ZNRF1: variants seen among roughly 807,000 people sequenced by gnomAD.
ZNRF1 encodes the protein zinc and ring finger 1.
ZNRF1 carries 3 observed loss-of-function variants against 18.4 expected under a neutral mutation model. That is an observed-to-expected ratio of 0.16 (90% CI 0.07 to 0.42). ZNRF1 has a LOEUF of 0.42. Among genes scored for constraint, ZNRF1 ranks in the 10% least tolerant of loss-of-function variants. ZNRF1 has a pLI of 0.99. For synonymous variants in ZNRF1, 157 were observed against 144.2 expected, an observed-to-expected ratio of 1.09 and a Z score of -0.64; for missense variants, 310 against 329.8, an observed-to-expected ratio of 0.94 and a Z score of 0.47.
chr16:75,082,312 C>G (rs1418588677), intron 1 of ZNRF1, among the ~76,000 whole-genome samples: 1 of 152,116 alleles, frequency 6.6e-6, no homozygotes, highest in Non-Finnish European at 1.5e-5. Flanking sequence ...TCTAGAGGGT[C>G]AAAGGGAAGA....
intron 1 of ZNRF1, among the ~76,000 whole-genome samples, chr16:75,023,739 C>G (rs997303523): frequency 6.6e-6 from 1 of 151,964 alleles, no homozygotes; most frequent in African/African-American, 2.4e-5. Flanking sequence ...TGGGCCCCAA[C>G]AAGCTATGTA....
intron 1 of ZNRF1, among the ~76,000 whole-genome samples, chr16:75,091,284 G>A (rs972924752): frequency 2.0e-5 from 3 of 151,668 alleles, no homozygotes; most frequent in South Asian, 2.1e-4. Context: ...TCTTGAACCC[G>A]GGAGGCAGAG....
intron 1 of ZNRF1, among the ~76,000 whole-genome samples, chr16:75,017,765 GA>G (rs2035090885): frequency 6.6e-6 from 1 of 152,226 alleles, no homozygotes; most frequent in African/African-American, 2.4e-5. Context: ...GGGCTTCTTA[GA>G]CAGTTGTAGG....
At chr16:75,060,473 C>CTTTTTTTTTTTTTTTTTT (rs34182819) in intron 1 of ZNRF1, among the ~76,000 whole-genome samples, 2 of 70,246 alleles carry the variant, frequency 2.8e-5, no homozygotes. Flanking sequence ...CTCAGAAAAT[C>CTTTTTTTTTTTTTTTTTT]TTTTTTTTTT....
chr16:75,091,488 C>G (rs1014661609), intron 1 of ZNRF1, among the ~76,000 whole-genome samples: 1 of 151,436 alleles, frequency 6.6e-6, no homozygotes, highest in African/African-American at 2.4e-5. Flanking sequence ...TCTTGAACTA[C>G]GTGGGAGACT....
chr16:75,080,870 T>C (rs1274872835), intron 1 of ZNRF1, among the ~76,000 whole-genome samples: 10 of 151,846 alleles, frequency 6.6e-5, no homozygotes, highest in African/African-American at 1.7e-4. Context: ...AGAGACCCTG[T>C]CTCTTAAAAA....
At position 74,999,351 on chromosome 16, in the gene ZNRF1, G is replaced by A. The variant is rs190476975; in HGVS notation, c.-321G>A. The stretch of plus-strand genomic sequence containing the variant: ...GCCGCCTCCCTCCCTCCTTCCCTGC[G>A]GCTCCCCCGGCTTTCGGAGCCCGGG... On this transcript the variant is annotated 5_prime_UTR_variant, in exon 1 of 5. Coordinates refer to ENST00000335325, the MANE Select transcript of ZNRF1 (RefSeq NM_032268.5). 917 of 181,932 alleles carry A rather than the reference G, an allele frequency of 5.0e-3. 10 individuals carry two copies. Among genetic ancestry groups the A allele is most frequent in the African/African-American group, 0.02 (850 of 42,376 alleles). The allele number at this position is 181,932 out of a possible 1,614,324, so 11.3% of individuals were successfully genotyped here.
At chr16:75,003,074 C>G (rs1040502503) in intron 1 of ZNRF1, among the ~76,000 whole-genome samples, 2 of 152,230 alleles carry the variant, frequency 1.3e-5, no homozygotes, top group African/African-American at 4.8e-5. Flanking sequence ...CTGCCTCAGC[C>G]TCCCGAGTAG....
At chr16:75,035,780 A>T (rs1157092922) in intron 1 of ZNRF1, among the ~76,000 whole-genome samples, 1 of 152,172 alleles carries the variant, frequency 6.6e-6, no homozygotes, top group Non-Finnish European at 1.5e-5. Flanking sequence ...GAGGGGCCCC[A>T]TGCACAGTGT....
rs940818979 is a variant in ZNRF1 at position 75,018,399 on chromosome 16, C to T, written c.424+18304C>T. ...ACTGTTTTGTTTCCTCTTTTGTAAT[C>T]CTCTTTTGTGTTACTTTTCTTTCTT... On this transcript the variant is annotated intron_variant, in intron 1 of 4. Coordinates refer to ENST00000335325, the MANE Select transcript of ZNRF1 (RefSeq NM_032268.5). 6.1e-4 allele frequency among the ~76,000 whole-genome samples: 93 copies of T among 152,036 alleles called. 1 individual carries two copies. Among genetic ancestry groups the T allele is most frequent in the African/African-American group, 2.1e-3 (88 of 41,404 alleles).
At chr16:75,077,530 C>CA (rs1267016290) in intron 1 of ZNRF1, among the ~76,000 whole-genome samples, 1 of 151,916 alleles carries the variant, frequency 6.6e-6, no homozygotes, top group Non-Finnish European at 1.5e-5. Flanking sequence ...GATTCCGTCT[C>CA]AAAAAAACAA....
intron 1 of ZNRF1, among the ~76,000 whole-genome samples, chr16:75,072,960 A>T (rs1039863100): frequency 1.3e-5 from 2 of 152,124 alleles, no homozygotes; most frequent in African/African-American, 4.8e-5. Flanking sequence ...ATCACACTCA[A>T]CCGGTTATCT....
intron 1 of ZNRF1, among the ~76,000 whole-genome samples, chr16:75,016,753 C>T (rs1187055638): frequency 2.1e-4 from 27 of 128,518 alleles, no homozygotes; most frequent in South Asian, 5.1e-4. Context: ...CCATGTTGGT[C>T]AGGCTGGTCT....
At chr16:75,085,997 A>C (rs1429347532) in intron 1 of ZNRF1, among the ~76,000 whole-genome samples, 1 of 152,044 alleles carries the variant, frequency 6.6e-6, no homozygotes, top group Non-Finnish European at 1.5e-5. Flanking sequence ...TTATGGTGTA[A>C]GTCCTAGTTC....
At chr16:75,035,822 G>T (rs2035369835) in intron 1 of ZNRF1, among the ~76,000 whole-genome samples, 1 of 152,162 alleles carries the variant, frequency 6.6e-6, no homozygotes, top group South Asian at 2.1e-4. Flanking sequence ...GCCCACTTGA[G>T]GCATTCCTTT....
intron 1 of ZNRF1, among the ~76,000 whole-genome samples, chr16:75,055,518 T>C (rs2035657145): frequency 6.6e-6 from 1 of 152,208 alleles, no homozygotes; most frequent in African/African-American, 2.4e-5. Flanking sequence ...TCCTCAAACA[T>C]TGGAGTCTTG....
rs59468839 is a variant in ZNRF1, at chr16:75,030,833, C to CTTTTTTTTT, written c.424+30752_424+30760dup. On this transcript the variant is annotated intron_variant, in intron 1 of 4. Coordinates refer to ENST00000335325, the MANE Select transcript of ZNRF1 (RefSeq NM_032268.5). ...CATTGTAGCATGCAGCACTTTATTC[C>CTTTTTTTTT]TTTTTTTTTTTTTTTTTTTTTTGTT... Among the ~76,000 whole-genome samples the CTTTTTTTTT allele has an allele frequency of 3.7e-4, 34 of 91,414 alleles. 4 individuals are homozygous for CTTTTTTTTT. Among genetic ancestry groups the CTTTTTTTTT allele is most frequent in the Admixed American group, 4.4e-4 (3 of 6,872 alleles). The allele number at this position is 91,414 out of a possible 152,430, so 60.0% of individuals were successfully genotyped here.
intron 1 of ZNRF1, among the ~76,000 whole-genome samples, chr16:75,078,523 T>C (rs557239047): frequency 6.6e-6 from 1 of 152,198 alleles, no homozygotes; most frequent in East Asian, 1.9e-4. Flanking sequence ...GGTCTCGAAC[T>C]CCCAACCTCA....
At chr16:75,073,146 C>CTGTCTCTCTG (rs1555513182) in intron 1 of ZNRF1, among the ~76,000 whole-genome samples, 6 of 128,740 alleles carry the variant, frequency 4.7e-5, no homozygotes, top group South Asian at 2.7e-4. Context: ...CTCTCTCTCT[C>CTGTCTCTCTG]TCTCTCTGTC....
Sources: gnomAD v4.1 joint callset for allele counts (sites outside exome capture counted in the v4.1 genomes callset) on GRCh38, gnomAD v4.1.1 for gene constraint, MANE v1.5 for transcripts, NCBI Gene and HGNC (gene_info 2026-07-23, HGNC 2026-07-21) for gene names.